GLDC: variants seen among roughly 807,000 people sequenced by gnomAD.
GLDC encodes glycine dehydrogenase (decarboxylating), mitochondrial.
A neutral mutation model predicts 121.3 loss-of-function variants in GLDC; 104 were observed. That is an observed-to-expected ratio of 0.86 (90% CI 0.73 to 1.01). GLDC has a LOEUF of 1.01. GLDC is among the 50% of genes least tolerant of loss of function. The pLI is 0.00. For synonymous variants in GLDC, 546 were observed against 480.6 expected (o/e 1.14, Z -1.78); for missense variants, 1,429 against 1,306.6 (o/e 1.09, Z -1.44).
At chr9:6,552,181 C>T in intron 20 of GLDC, among the ~76,000 whole-genome samples, 1 of 152,082 alleles carries the variant, frequency 6.6e-6, no homozygotes, top group East Asian at 1.9e-4. Flanking sequence ...GTAATAACAG[C>T]CTGAAATAAG....
intron 2 of GLDC, among the ~76,000 whole-genome samples, chr9:6,622,508 TGCCG>T (rs748071274): frequency 5.1e-4 from 77 of 152,206 alleles, no homozygotes; most frequent in Non-Finnish European, 9.7e-4. Flanking sequence ...CCTCCCGAGG[TGCCG>T]GGATTGCAGA....
At chr9:6,555,231 G>C (rs1373205711) in intron 18 of GLDC, among the ~76,000 whole-genome samples, 1 of 152,180 alleles carries the variant, frequency 6.6e-6, no homozygotes, top group Non-Finnish European at 1.5e-5. Flanking sequence ...AGTGATGGAA[G>C]GGGCTGCGGG....
chr9:6,551,544 A>G (rs1353446697), intron 20 of GLDC, among the ~76,000 whole-genome samples: 1 of 152,194 alleles, frequency 6.6e-6, no homozygotes, highest in Non-Finnish European at 1.5e-5. Flanking sequence ...TAAATACATA[A>G]CTAATGTAAA....
rs376612483 is a variant in GLDC, at chr9:6,602,197, G to C, written c.1067C>G (p.Thr356Ser). The change falls in exon 8 of 25, where the codon ACT becomes AGT. Residue 356 changes from threonine (T) to serine (S), a missense_variant. Coordinates refer to ENST00000321612, the MANE Select transcript of GLDC (RefSeq NM_000170.3). ...AGCAAGACGATACACTTCTTTCCCA[G>C]TGGCATCTCTACACCAAGAATAAGG... is the stretch of plus-strand genomic sequence containing the variant. ...GRMVGVTRDATGKEVYRLALQ... is the reference protein window; with the variant it reads ...GRMVGVTRDASGKEVYRLALQ... 11 of 1,605,634 alleles carry C rather than the reference G, an allele frequency of 6.9e-6. No homozygotes were observed. In the African/African-American group the frequency reaches 1.5e-4, roughly 21 times the overall value.
At position 6,588,410 on chromosome 9, in the gene GLDC, A is replaced by C. The variant is rs2129836314; in HGVS notation, c.1698T>G (p.Ser566=). The change falls in exon 14 of 25, where the codon TCT becomes TCG. Residue 566 remains serine (S), a synonymous_variant. Coordinates refer to ENST00000321612, the MANE Select transcript of GLDC (RefSeq NM_000170.3). ...GSCTMKLNSS[S]ELAPITWKEF... is the part of the protein sequence containing the mutation. ...GAAGTGAGCTACTTACTGCGAGTTC[A>C]GACGAACTGTTCAGTTTCATGGTGC... The C allele has an allele frequency of 6.2e-7, 1 of 1,611,512 alleles. No individual in the cohort carries two copies. Among genetic ancestry groups the C allele is most frequent in the Non-Finnish European group, 8.5e-7 (1 of 1,177,618 alleles).
chr9:6,615,607 A>G (rs974812148), intron 3 of GLDC, among the ~76,000 whole-genome samples: 2 of 151,726 alleles, frequency 1.3e-5, no homozygotes, highest in African/African-American at 4.8e-5. Context: ...GACCTAGTAT[A>G]TAACCAGTAT....
intron 2 of GLDC, 105 bp downstream of exon 2, chr9:6,644,508 TC>T (rs1206047459): frequency 1.3e-6 from 1 of 783,214 alleles, no homozygotes; most frequent in East Asian, 2.5e-5. Flanking sequence ...ATCCACACAT[TC>T]CCAGTCCTGA....
chr9:6,535,801 A>C, intron 23 of GLDC: 1 of 501,922 alleles, frequency 2.0e-6, no homozygotes, highest in Admixed American at 3.2e-5. Flanking sequence ...ACTACAGTAC[A>C]TCAAACAGAG....
Position 6,532,762 on chromosome 9 carries a change from CA to C in GLDC, c.*254del, listed in dbSNP as rs1425858963. ...GTTAAAGTTCCTAAAACTTTCTACG[CA>C]AAACACAAAATGGCTCCCAATCCAG... is the stretch of plus-strand genomic sequence containing the variant. On this transcript the variant is annotated 3_prime_UTR_variant, in exon 25 of 25. Transcript: ENST00000321612. 6 of 479,932 alleles carry C rather than the reference CA, an allele frequency of 1.3e-5. No homozygotes were observed. The highest frequency in any genetic ancestry group is 2.3e-5 in the Non-Finnish European group (6 of 262,756). 29.7% of individuals were successfully genotyped at this position (479,932 alleles called of 1,614,324 possible). A position where few individuals can be genotyped will look rare whatever the true frequency, so the allele number is the denominator to read the frequency against.
At chr9:6,589,069 A>G (rs1587947726) in intron 12 of GLDC, 126 bp downstream of exon 12, 1 of 754,512 alleles carries the variant, frequency 1.3e-6, no homozygotes, top group Non-Finnish European at 2.4e-6. Flanking sequence ...AGGATGAAAT[A>G]CTTGGGAGCC....
At chr9:6,644,186 G>A (rs1381324275) in intron 2 of GLDC, among the ~76,000 whole-genome samples, 1 of 151,948 alleles carries the variant, frequency 6.6e-6, no homozygotes, top group Non-Finnish European at 1.5e-5. Context: ...AAGCCTGGGG[G>A]AGGGAGGCGA....
intron 20 of GLDC, among the ~76,000 whole-genome samples, chr9:6,552,526 C>G (rs966435454): frequency 6.6e-6 from 1 of 152,166 alleles, no homozygotes; most frequent in African/African-American, 2.4e-5. Flanking sequence ...TTCCAAGAAA[C>G]TTTTCGTGAA....
At chr9:6,589,400 T>C (rs1455680704) in intron 11 of GLDC, 108 bp from the exon 12 acceptor site, 2 of 539,970 alleles carry the variant, frequency 3.7e-6, no homozygotes, top group Non-Finnish European at 6.6e-6. Flanking sequence ...ATGGATCAAA[T>C]ATATAATTTT....
At chr9:6,600,509 C>T (rs964089207) in intron 8 of GLDC, among the ~76,000 whole-genome samples, 9 of 151,894 alleles carry the variant, frequency 5.9e-5, no homozygotes, top group Non-Finnish European at 1.3e-4. Context: ...AAACCTGCCT[C>T]TACTAAAAAT....
In GLDC at chr9:6,589,266, C is replaced by T; in HGVS notation, c.1509G>A (p.Glu503=). The T allele has an allele frequency of 6.2e-7, 1 of 1,609,044 alleles. No homozygotes were observed. The highest frequency in any genetic ancestry group is 1.1e-5 in the South Asian group (1 of 90,988). Residue 503 remains glutamate, a synonymous_variant, in exon 12 of 25, where the codon GAG becomes GAA. Coordinates refer to ENST00000321612, the MANE Select transcript of GLDC (RefSeq NM_000170.3). ...CAGACCCTGGAATACCTCTGCACTCCTCTCCCATGCTTTCAGCAACCAGTT... is the reference window on the plus strand; with the variant it reads ...CAGACCCTGGAATACCTCTGCACTCTTCTCCCATGCTTTCAGCAACCAGTT... ...SAELVAESMG[E]ECRGIPGSVF...
intron 4 of GLDC, among the ~76,000 whole-genome samples, chr9:6,608,180 G>C (rs537275384): frequency 1.3e-5 from 2 of 151,884 alleles, no homozygotes; most frequent in Non-Finnish European, 2.9e-5. Flanking sequence ...TTGGGAGGCC[G>C]AGGCGGGCAG....
At position 6,592,849 on chromosome 9, in the gene GLDC, A is replaced by C; in HGVS notation, c.1401+2T>G. 1 of 1,612,540 alleles carries C rather than the reference A, an allele frequency of 6.2e-7. No individual in the cohort carries two copies. Among genetic ancestry groups the C allele is most frequent in the Non-Finnish European group, 8.5e-7 (1 of 1,179,550 alleles). ...GGTAAAAATACTGAAAATTTGACTT[A>C]CTGTGCCATCCTCAAAAAGCCGAAA... is the stretch of plus-strand genomic sequence containing the variant. On this transcript the variant is annotated splice_donor_variant, in intron 10 of 24. Transcript: ENST00000321612. LOFTEE classifies it high-confidence loss of function.
At chr9:6,630,934 C>G (rs570581654) in intron 2 of GLDC, among the ~76,000 whole-genome samples, 1 of 152,194 alleles carries the variant, frequency 6.6e-6, no homozygotes, top group African/African-American at 2.4e-5. Context: ...CAAGTTTCCT[C>G]CCTGGGCAGA....
chr9:6,637,554 C>T (rs117502344), intron 2 of GLDC, among the ~76,000 whole-genome samples: 3,374 of 152,126 alleles, frequency 0.022, 55 homozygotes, highest in Non-Finnish European at 0.034. Flanking sequence ...GCAACCTCCA[C>T]CTCCCAGGTT....
Sources: allele counts gnomAD v4.1 joint callset (sites outside exome capture counted in the v4.1 genomes callset), GRCh38; gene constraint gnomAD v4.1.1; transcripts MANE v1.5; gene names NCBI Gene and HGNC (gene_info 2026-07-23, HGNC 2026-07-21).